ELAVL4: variants seen among roughly 807,000 people sequenced by gnomAD.
The protein encoded by ELAVL4 is ELAV-like protein 4.
A neutral mutation model predicts 35.6 loss-of-function variants in ELAVL4; 1 was observed. The observed-to-expected ratio is 0.03, with a 90% confidence interval of 0.01 to 0.13. The LOEUF (loss-of-function observed/expected upper bound fraction) is 0.13. Ranked by LOEUF, ELAVL4 falls within the 10% of genes least tolerant of loss-of-function variation. The probability of loss-of-function intolerance (pLI) is 1.00; values close to 1 mark genes in which losing one functional copy is unlikely to be tolerated. For missense variants in ELAVL4, 267 were observed against 464.9 expected (o/e 0.57, Z 3.91); for synonymous variants, 156 against 171.0 (o/e 0.91, Z 0.69).
chr1:50,117,305 G>A (rs1192903809), intron 1 of ELAVL4, among the ~76,000 whole-genome samples: 1 of 152,104 alleles, frequency 6.6e-6, no homozygotes, highest in Non-Finnish European at 1.5e-5. Context: ...AGAAAAATTA[G>A]ATTTATTTCT....
chr1:50,087,041 G>A (rs1665278283), intron 1 of ELAVL4, among the ~76,000 whole-genome samples: 1 of 152,088 alleles, frequency 6.6e-6, no homozygotes, highest in Non-Finnish European at 1.5e-5. Flanking sequence ...GGCTTAGAGA[G>A]TCAATCAATT....
intron 1 of ELAVL4, among the ~76,000 whole-genome samples, chr1:50,089,384 GT>G (rs780750666): frequency 6.6e-6 from 1 of 151,978 alleles, no homozygotes; most frequent in Admixed American, 6.6e-5. Flanking sequence ...TTCTAATATA[GT>G]TTTTTTGAAA....
At chr1:50,064,600 T>C (rs1664169156) in intron 1 of ELAVL4, among the ~76,000 whole-genome samples, 1 of 152,162 alleles carries the variant, frequency 6.6e-6, no homozygotes, top group African/African-American at 2.4e-5. Flanking sequence ...ATTTAAATAG[T>C]CACCACATGA....
chr1:50,116,169 G>T (rs1015601347), intron 1 of ELAVL4, among the ~76,000 whole-genome samples: 6 of 152,110 alleles, frequency 3.9e-5, no homozygotes, highest in Non-Finnish European at 8.8e-5. Context: ...AAAGGAACTT[G>T]TCTTTCAGTC....
chr1:50,176,005 G>A (rs1679969493), intron 2 of ELAVL4: 1 of 152,186 alleles, frequency 6.6e-6, no homozygotes, highest in East Asian at 1.9e-4. Flanking sequence ...TGGTTTTGCA[G>A]CCACCCCAAG....
intron 1 of ELAVL4, among the ~76,000 whole-genome samples, chr1:50,053,737 C>T (rs1016904949): frequency 3.9e-5 from 6 of 152,024 alleles, no homozygotes; most frequent in Admixed American, 2.6e-4. Flanking sequence ...CTATCCCTGT[C>T]AGCAAAGGAA....
intron 1 of ELAVL4, among the ~76,000 whole-genome samples, chr1:50,097,265 A>C (rs1665757995): frequency 6.6e-6 from 1 of 152,138 alleles, no homozygotes; most frequent in Admixed American, 6.6e-5. Flanking sequence ...ACTGGGCATT[A>C]GAGGAACATG....
intron 3 of ELAVL4, among the ~76,000 whole-genome samples, chr1:50,193,223 A>G (rs1053641969): frequency 3.3e-5 from 5 of 152,184 alleles, no homozygotes; most frequent in African/African-American, 1.2e-4. Context: ...AGCAGACCTC[A>G]TGGGAACAGA....
chr1:50,082,436 C>T (rs1316679667), intron 1 of ELAVL4, among the ~76,000 whole-genome samples: 1 of 151,984 alleles, frequency 6.6e-6, no homozygotes, highest in Non-Finnish European at 1.5e-5. Flanking sequence ...ACCAGTGATG[C>T]CTTTTTTCAT....
At chr1:50,146,201 A>G (rs1160532589) in intron 2 of ELAVL4, among the ~76,000 whole-genome samples, 1 of 151,920 alleles carries the variant, frequency 6.6e-6, no homozygotes, top group East Asian at 1.9e-4. Flanking sequence ...ATAGGGATAT[A>G]CATCATCTTT....
At chr1:50,165,457 T>TATAGATAC (rs1553182958) in intron 2 of ELAVL4, among the ~76,000 whole-genome samples, 11 of 148,906 alleles carry the variant, frequency 7.4e-5, no homozygotes, top group African/African-American at 2.7e-4. Context: ...TAGATATAGA[T>TATAGATAC]ACACACACAC....
chr1:50,051,901 T>G (rs1315249795), intron 1 of ELAVL4, among the ~76,000 whole-genome samples: 1 of 152,094 alleles, frequency 6.6e-6, no homozygotes, highest in Non-Finnish European at 1.5e-5. Flanking sequence ...AGCAAGGTTG[T>G]TATTCTGAGA....
rs189117974 is a variant in ELAVL4 at position 50,073,509 on chromosome 1, T to G, written c.18+25327T>G. 2.6e-5 allele frequency among the ~76,000 whole-genome samples: 4 copies of G among 152,280 alleles called. No individual in the cohort carries two copies. In the East Asian group the frequency reaches 7.7e-4, roughly 29 times the overall value. On this transcript the variant is annotated intron_variant, in intron 1 of 6. Transcript: ENST00000448907. ...AATATTATCACTAGGTGTTGAGGTC[T>G]GCAAGATGCTAAATAAGGATTCGAG... is the stretch of plus-strand genomic sequence containing the variant.
chr1:50,110,745 A>T (rs910851604), intron 1 of ELAVL4, among the ~76,000 whole-genome samples: 5 of 152,170 alleles, frequency 3.3e-5, no homozygotes, highest in Non-Finnish European at 7.3e-5. Context: ...TGCTCTGCAT[A>T]GATGTTATAA....
intron 2 of ELAVL4, among the ~76,000 whole-genome samples, chr1:50,158,724 C>T (rs1676192853): frequency 6.6e-6 from 1 of 152,090 alleles, no homozygotes; most frequent in Non-Finnish European, 1.5e-5. Flanking sequence ...CATAGACTGT[C>T]ACAGTGAAAA....
chr1:50,092,793 T>C (rs2148506528), intron 1 of ELAVL4, among the ~76,000 whole-genome samples: 1 of 152,298 alleles, frequency 6.6e-6, no homozygotes, highest in Admixed American at 6.5e-5. Context: ...TTTAGTTCAG[T>C]TAGGTAAACC....
At chr1:50,080,893 A>G (rs1664978628) in intron 1 of ELAVL4, among the ~76,000 whole-genome samples, 1 of 152,194 alleles carries the variant, frequency 6.6e-6, no homozygotes, top group Admixed American at 6.5e-5. Flanking sequence ...GAATGGGAGA[A>G]GTTATATGCA....
intron 1 of ELAVL4, among the ~76,000 whole-genome samples, chr1:50,065,672 A>T (rs1664224575): frequency 1.3e-5 from 2 of 152,202 alleles, no homozygotes; most frequent in South Asian, 4.1e-4. Flanking sequence ...ACCACCTCAC[A>T]TGCAATGGTT....
At chr1:50,058,272 T>C (rs1663782254) in intron 1 of ELAVL4, among the ~76,000 whole-genome samples, 1 of 152,094 alleles carries the variant, frequency 6.6e-6, no homozygotes. Flanking sequence ...CAAAACCAAA[T>C]TGGGATAACC....
Sources: allele counts gnomAD v4.1 joint callset (sites outside exome capture counted in the v4.1 genomes callset), GRCh38; gene constraint gnomAD v4.1.1; transcripts MANE v1.5; gene names NCBI Gene and HGNC (gene_info 2026-07-23, HGNC 2026-07-21).